Variants in XKR9 observed in about 807,000 individuals in gnomAD.
XKR9 encodes XK-related protein 9.
In XKR9, 32 loss-of-function variants were observed where a neutral mutation model predicts 32.0. The observed-to-expected ratio is 1.00, with a 90% CI of 0.76 to 1.34. The LOEUF (loss-of-function observed/expected upper bound fraction) is 1.34. Among genes scored for constraint, XKR9 ranks in the 40% most tolerant of loss-of-function variants. The pLI is 0.00. For missense variants in XKR9, 546 were observed against 429.7 expected (o/e 1.27, Z -2.39); for synonymous variants, 168 against 143.4 (o/e 1.17, Z -1.22).
the XKR9 span, among the ~76,000 whole-genome samples, chr8:71,013,205 A>G: frequency 2.0e-5 from 3 of 152,126 alleles, no homozygotes; most frequent in African/African-American, 4.8e-5. Flanking sequence ...TAGAAAGAGT[A>G]TCTAGAGGAA....
intron 2 of XKR9, among the ~76,000 whole-genome samples, chr8:70,773,026 T>C (rs1807474540): frequency 6.6e-6 from 1 of 152,160 alleles, no homozygotes; most frequent in East Asian, 1.9e-4. Flanking sequence ...TATTTATACA[T>C]GTAATGTAGA....
chr8:70,900,704 G>A, the XKR9 span, among the ~76,000 whole-genome samples: 1 of 152,152 alleles, frequency 6.6e-6, no homozygotes, highest in Non-Finnish European at 1.5e-5. Flanking sequence ...GTACATGGGT[G>A]CAACGTGCAG....
At chr8:70,919,023 C>T in the XKR9 span, among the ~76,000 whole-genome samples, 4 of 151,940 alleles carry the variant, frequency 2.6e-5, no homozygotes, top group Admixed American at 1.3e-4. Flanking sequence ...GTGATCCACC[C>T]ACCTCTGCCT....
At chr8:70,840,903 T>G in the XKR9 span, among the ~76,000 whole-genome samples, 2 of 152,176 alleles carry the variant, frequency 1.3e-5, no homozygotes, top group African/African-American at 4.8e-5. Context: ...TAAAAAATGG[T>G]TATATCAAAC....
At chr8:70,697,212 A>G (rs1181738310) in intron 3 of XKR9, among the ~76,000 whole-genome samples, 4 of 151,660 alleles carry the variant, frequency 2.6e-5, no homozygotes, top group East Asian at 1.9e-4. Context: ...CAGAACTTCC[A>G]ACACTATGTT....
chr8:70,997,997 C>T, the XKR9 span, among the ~76,000 whole-genome samples: 2 of 152,110 alleles, frequency 1.3e-5, no homozygotes, highest in African/African-American at 4.8e-5. Context: ...CCCCACCCAA[C>T]CATTAAATCC....
the XKR9 span, among the ~76,000 whole-genome samples, chr8:70,881,816 G>A: frequency 4.6e-5 from 7 of 152,274 alleles, no homozygotes; most frequent in East Asian, 5.8e-4. Context: ...ACTTGCAAAC[G>A]TATGTTTATT....
the XKR9 span, among the ~76,000 whole-genome samples, chr8:71,033,269 T>G: frequency 6.6e-6 from 1 of 152,196 alleles, no homozygotes; most frequent in Admixed American, 6.5e-5. Context: ...AATTTCTTTG[T>G]GTTCTGACTT....
intron 3 of XKR9, among the ~76,000 whole-genome samples, chr8:70,695,580 T>A (rs890801319): frequency 1.3e-4 from 20 of 152,054 alleles, no homozygotes; most frequent in Admixed American, 1.2e-3. Flanking sequence ...TCTATCATTG[T>A]TGGACATCTG....
chr8:70,772,691 TA>T (rs761422531), intron 2 of XKR9, among the ~76,000 whole-genome samples: 10 of 152,188 alleles, frequency 6.6e-5, no homozygotes, highest in Non-Finnish European at 1.5e-4. Context: ...TGGCAACTTT[TA>T]AAAATTATTA....
chr8:70,799,690 CT>C, the XKR9 span, among the ~76,000 whole-genome samples: 1 of 151,994 alleles, frequency 6.6e-6, no homozygotes, highest in East Asian at 1.9e-4. Flanking sequence ...AGAAATGCTA[CT>C]GATTTTTGTA....
chr8:70,967,080 T>TTTTTTTTTTA, the XKR9 span, among the ~76,000 whole-genome samples: 8 of 147,384 alleles, frequency 5.4e-5, no homozygotes, highest in Non-Finnish European at 4.5e-5. Flanking sequence ...TTTTTTTTTT[T>TTTTTTTTTTA]GAGATGGAGT....
At position 70,734,552 on chromosome 8, in the gene XKR9, G is replaced by C; in HGVS notation, c.*128G>C. ...ATTTGAAATTAGTTCAGTGAAATAG[G>C]AGATACATAGTAGTATTTTATTTTT... On this transcript the variant is annotated 3_prime_UTR_variant, in exon 5 of 5. Coordinates refer to ENST00000408926, the MANE Select transcript of XKR9 (RefSeq NM_001011720.2). The C allele has an allele frequency of 2.5e-6, 3 of 1,206,648 alleles. No homozygotes were observed. Among genetic ancestry groups the C allele is most frequent in the Non-Finnish European group, 3.2e-6 (3 of 928,844 alleles). 74.7% of individuals were successfully genotyped at this position (1,206,648 alleles called of 1,614,324 possible). A position where few individuals can be genotyped will look rare whatever the true frequency, so the allele number is the denominator to read the frequency against.
intron 2 of XKR9, among the ~76,000 whole-genome samples, chr8:70,676,192 G>A (rs903257334): frequency 9.9e-5 from 15 of 152,056 alleles, no homozygotes; most frequent in Non-Finnish European, 1.8e-4. Context: ...GAGAGTAGTG[G>A]GGGAGATGCA....
intron 2 of XKR9, among the ~76,000 whole-genome samples, chr8:70,745,482 T>C (rs1563465622): frequency 6.6e-6 from 1 of 152,188 alleles, no homozygotes; most frequent in Non-Finnish European, 1.5e-5. Flanking sequence ...TTCTCAACCT[T>C]TAGTGTGCAT....
the XKR9 span, among the ~76,000 whole-genome samples, chr8:70,953,430 G>C: frequency 6.6e-6 from 1 of 152,272 alleles, no homozygotes; most frequent in South Asian, 2.1e-4. Context: ...TCCTACCACA[G>C]CTTTCTCAGT....
chr8:70,779,872 G>A (rs201481651), intron 2 of XKR9, among the ~76,000 whole-genome samples: 1 of 151,802 alleles, frequency 6.6e-6, no homozygotes. Flanking sequence ...TGCTAGCAGT[G>A]TATCTGTTTT....
chr8:70,775,063 C>G (rs933114851), intron 2 of XKR9, among the ~76,000 whole-genome samples: 1 of 152,014 alleles, frequency 6.6e-6, no homozygotes, highest in Non-Finnish European at 1.5e-5. Context: ...AAATTTATCC[C>G]TAAATATCTC....
the XKR9 span, among the ~76,000 whole-genome samples, chr8:70,799,488 GC>G: frequency 2.6e-5 from 4 of 152,040 alleles, no homozygotes; most frequent in Non-Finnish European, 4.4e-5. Flanking sequence ...GTGCCACCAT[GC>G]CCAGCTAATT....
Sources: allele counts gnomAD v4.1 joint callset (sites outside exome capture counted in the v4.1 genomes callset), GRCh38; gene constraint gnomAD v4.1.1; transcripts MANE v1.5; gene names NCBI Gene and HGNC (gene_info 2026-07-23, HGNC 2026-07-21).